The following PTCHD4 variants were observed in gnomAD, a reference collection of about 807,000 sequenced individuals.
PTCHD4 encodes patched domain containing 4.
In PTCHD4, 33 loss-of-function variants were observed where a neutral mutation model predicts 58.1. The ratio of observed to expected loss-of-function variants is 0.57; its 90% confidence interval spans 0.43 to 0.76. PTCHD4 has a LOEUF of 0.76. Ranked by LOEUF, PTCHD4 falls within the 30% of genes least tolerant of loss-of-function variation. PTCHD4 has a pLI of 0.00. For synonymous variants in PTCHD4, 478 were observed against 409.6 expected (o/e 1.17, Z -2.02); for missense variants, 1,058 against 1,027.1 (o/e 1.03, Z -0.41).
At chr6:47,944,138 T>C (rs1766333808) in intron 4 of PTCHD4, among the ~76,000 whole-genome samples, 1 of 152,048 alleles carries the variant, frequency 6.6e-6, no homozygotes, top group Admixed American at 6.6e-5. Flanking sequence ...GTTTCTATAA[T>C]AAAAATGGCA....
At chr6:47,962,178 T>C (rs958855702) in intron 4 of PTCHD4, among the ~76,000 whole-genome samples, 1 of 152,180 alleles carries the variant, frequency 6.6e-6, no homozygotes, top group African/African-American at 2.4e-5. Flanking sequence ...AAAGAATTTC[T>C]TGAAAAATTT....
chr6:48,055,875 C>G (rs1764389622), intron 3 of PTCHD4, among the ~76,000 whole-genome samples: 2 of 152,164 alleles, frequency 1.3e-5, no homozygotes, highest in South Asian at 4.1e-4. Flanking sequence ...GATACTGTCC[C>G]CTACATTGAA....
At position 47,871,586 on chromosome 6, in the gene PTCHD4, C is replaced by G. The variant is rs953304049; in HGVS notation, c.*6717G>C. Among the ~76,000 whole-genome samples the G allele has an allele frequency of 6.6e-6, 1 of 151,538 alleles. No individual in the cohort carries two copies. The highest frequency in any genetic ancestry group is 2.4e-5 in the African/African-American group (1 of 41,342). ...TGTTAACCAGAATGTATAAGTGGGA[C>G]TGCATATAGGAGTGCTCATTTTACA... On this transcript the variant is annotated 3_prime_UTR_variant, in exon 5 of 5. Transcript: ENST00000339488.
chr6:48,098,318 T>TCTTCTTC (rs1554182596), intron 1 of PTCHD4, among the ~76,000 whole-genome samples: 1 of 142,656 alleles, frequency 7.0e-6, no homozygotes, highest in South Asian at 2.3e-4. Context: ...TTTCTTTTCT[T>TCTTCTTC]TTCTTCTTCT....
intron 4 of PTCHD4, among the ~76,000 whole-genome samples, chr6:47,986,625 TCTTACTG>T (rs1205586350): frequency 5.3e-5 from 8 of 152,228 alleles, no homozygotes; most frequent in Non-Finnish European, 1.2e-4. Flanking sequence ...ATTCTTTATA[TCTTACTG>T]TCATCAAGTC....
chr6:47,963,143 GTAAA>G (rs1007718841), intron 4 of PTCHD4, among the ~76,000 whole-genome samples: 52 of 150,968 alleles, frequency 3.4e-4, no homozygotes, highest in African/African-American at 6.1e-4. Flanking sequence ...AAATAAATAA[GTAAA>G]TAAATAAATA....
At chr6:48,023,905 T>C (rs565405236) in intron 3 of PTCHD4, among the ~76,000 whole-genome samples, 2 of 152,250 alleles carry the variant, frequency 1.3e-5, no homozygotes, top group South Asian at 4.1e-4. Context: ...ACCATAGCAA[T>C]GATGGCAAAA....
intron 4 of PTCHD4, among the ~76,000 whole-genome samples, chr6:47,898,817 A>G (rs1421233688): frequency 6.6e-6 from 1 of 152,156 alleles, no homozygotes; most frequent in Non-Finnish European, 1.5e-5. Context: ...AAGGAAAGAG[A>G]GAGAAGGGGA....
chr6:47,979,056 T>G (rs1767791787), intron 4 of PTCHD4, among the ~76,000 whole-genome samples: 1 of 152,136 alleles, frequency 6.6e-6, no homozygotes, highest in African/African-American at 2.4e-5. Flanking sequence ...TATCACCTGG[T>G]GAAAGAAGCC....
Position 48,003,521 on chromosome 6 carries a change from C to T in PTCHD4, c.898+5113G>A, listed in dbSNP as rs62399460. 3.3e-3 allele frequency among the ~76,000 whole-genome samples: 509 copies of T among 152,218 alleles called. 2 individuals carry two copies. The highest frequency in any genetic ancestry group is 5.2e-3 in the Non-Finnish European group (351 of 68,024). ...AGTCTAATTCCTTTTTATCACCATC[C>T]CTGCTCCCACGCTATTTCACATCAC... is the stretch of plus-strand genomic sequence containing the variant. On this transcript the variant is annotated intron_variant, in intron 4 of 4. Transcript: ENST00000339488.
At chr6:47,916,453 T>C (rs547724663) in intron 4 of PTCHD4, among the ~76,000 whole-genome samples, 31 of 152,172 alleles carry the variant, frequency 2.0e-4, no homozygotes, top group African/African-American at 7.0e-4. Context: ...ATGGACCATT[T>C]TGAGCCAAAG....
At chr6:48,064,273 C>T (rs1011440689) in intron 3 of PTCHD4, among the ~76,000 whole-genome samples, 3 of 152,060 alleles carry the variant, frequency 2.0e-5, no homozygotes, top group Non-Finnish European at 4.4e-5. Context: ...GAACTGGGGA[C>T]ATATGAGAAT....
chr6:47,902,742 A>G (rs1764752326), intron 4 of PTCHD4, among the ~76,000 whole-genome samples: 2 of 152,180 alleles, frequency 1.3e-5, no homozygotes. Flanking sequence ...GTCATTGTAA[A>G]ATACATCTTA....
In PTCHD4 at chr6:48,069,214, T is replaced by C. The variant is rs1197703351; in HGVS notation, c.-257A>G. Among the ~76,000 whole-genome samples the C allele has an allele frequency of 1.4e-5, 2 of 147,518 alleles. No homozygotes were observed. The highest frequency in any genetic ancestry group is 6.8e-5 in the Admixed American group (1 of 14,806). Reference sequence around the variant, plus strand: ...TTGGGGGTGGGGGGGCAGATAAGCTTTTTTCTTTTTTTAAGATGCTGACAG... The same window carrying C: ...TTGGGGGTGGGGGGGCAGATAAGCTCTTTTCTTTTTTTAAGATGCTGACAG... On this transcript the variant is annotated 5_prime_UTR_variant, in exon 2 of 5. Transcript: ENST00000339488.
chr6:48,015,497 C>T (rs994195131), intron 3 of PTCHD4, among the ~76,000 whole-genome samples: 1 of 151,848 alleles, frequency 6.6e-6, no homozygotes, highest in Non-Finnish European at 1.5e-5. Flanking sequence ...ACCTTTCTTC[C>T]TATTCCTTGA....
intron 1 of PTCHD4, among the ~76,000 whole-genome samples, chr6:48,096,772 G>T (rs1765478899): frequency 6.6e-6 from 1 of 152,066 alleles, no homozygotes. Flanking sequence ...AAACGTAAGG[G>T]AACCACAAGA....
intron 4 of PTCHD4, among the ~76,000 whole-genome samples, chr6:47,932,421 G>T (rs902379897): frequency 2.0e-5 from 3 of 152,172 alleles, no homozygotes; most frequent in African/African-American, 7.2e-5. Flanking sequence ...TCTACCAGTG[G>T]CTGGAATAAA....
intron 1 of PTCHD4, among the ~76,000 whole-genome samples, chr6:48,096,464 T>G (rs904458070): frequency 6.6e-6 from 1 of 151,910 alleles, no homozygotes; most frequent in Non-Finnish European, 1.5e-5. Context: ...ATACAAAAAT[T>G]AGCTGGGCGT....
intron 3 of PTCHD4, among the ~76,000 whole-genome samples, chr6:48,039,208 C>G (rs951122607): frequency 1.3e-5 from 2 of 151,980 alleles, no homozygotes; most frequent in African/African-American, 2.4e-5. Flanking sequence ...AATGCTATAA[C>G]ATAAAAGGAA....
Sources: gnomAD v4.1 joint callset for allele counts (sites outside exome capture counted in the v4.1 genomes callset) on GRCh38, gnomAD v4.1.1 for gene constraint, MANE v1.5 for transcripts, NCBI Gene and HGNC (gene_info 2026-07-23, HGNC 2026-07-21) for gene names.